MYO1E: variants seen among roughly 807,000 people sequenced by gnomAD.
The protein encoded by MYO1E is myosin IE, also known as unconventional myosin-Ie.
MYO1E carries 68 observed loss-of-function variants against 151.1 expected under a neutral mutation model. The observed-to-expected ratio is 0.45, with a 90% confidence interval of 0.37 to 0.55. The LOEUF is 0.55. Among genes scored for constraint, MYO1E ranks in the 20% least tolerant of loss-of-function variants. The probability of loss-of-function intolerance (pLI) is 0.00; values close to 1 mark genes in which losing one functional copy is unlikely to be tolerated. For missense variants in MYO1E, 1,363 were observed against 1,389.3 expected (o/e 0.98, Z 0.30); for synonymous variants, 601 against 501.7 (o/e 1.20, Z -2.64).
intron 10 of MYO1E, 30 bp from the exon 11 acceptor site, chr15:59,214,750 C>T (rs1378776131): frequency 1.3e-6 from 2 of 1,556,916 alleles, no homozygotes; most frequent in East Asian, 2.2e-5. Context: ...TGGCAGTGAA[C>T]TCCTTTCCAT....
chr15:59,308,049 T>C (rs184950998), intron 1 of MYO1E, among the ~76,000 whole-genome samples: 1 of 148,208 alleles, frequency 6.7e-6, no homozygotes, highest in Non-Finnish European at 1.5e-5. Flanking sequence ...AAACCCTGTC[T>C]CTATTAAAAA....
chr15:59,135,495 T>C lies in MYO1E; in HGVS notation c.*1885A>G, dbSNP rs1254193961. The C allele has an allele frequency of 6.6e-6, 1 of 152,152 alleles. No homozygotes were observed. The highest frequency in any genetic ancestry group is 1.9e-4 in the East Asian group (1 of 5,194). The allele number at this position is 152,152 out of a possible 1,614,324, so 9.4% of individuals were successfully genotyped here. A position where few individuals can be genotyped will look rare whatever the true frequency, so the allele number is the denominator to read the frequency against. ...TGCGGGGAGTCCATGAATGTGAAAG[T>C]ACTTTAGAGACCACTAGTGTCAACA... is the stretch of plus-strand genomic sequence containing the variant. On this transcript the variant is annotated 3_prime_UTR_variant, in exon 28 of 28. Transcript: ENST00000288235.
chr15:59,358,264 G>C (rs1369616234), intron 1 of MYO1E, among the ~76,000 whole-genome samples: 1 of 151,990 alleles, frequency 6.6e-6, no homozygotes, highest in East Asian at 1.9e-4. Flanking sequence ...GGAGGATGAG[G>C]AGGAAGAGGA....
intron 1 of MYO1E, among the ~76,000 whole-genome samples, chr15:59,332,296 T>C (rs1231064668): frequency 2.0e-5 from 3 of 152,248 alleles, no homozygotes; most frequent in African/African-American, 4.8e-5. Context: ...AAGTGTGTGA[T>C]AGGATTTACT....
rs529417260 is a variant in MYO1E at position 59,328,340 on chromosome 15, C to T, written c.3+44158G>A. ...TCTGCAGGAGGAAAGAGAACTTGATCCATTGCCAGGCTCAAACCTTCAAGA... is the reference window on the plus strand; with the variant it reads ...TCTGCAGGAGGAAAGAGAACTTGATTCATTGCCAGGCTCAAACCTTCAAGA... On this transcript the variant is annotated intron_variant, in intron 1 of 27. Transcript: ENST00000288235. Among the ~76,000 whole-genome samples, 6 of 152,210 alleles carry T rather than the reference C, an allele frequency of 3.9e-5. No homozygotes were observed. In the East Asian group the frequency reaches 1.2e-3, roughly 29 times the overall value.
At chr15:59,365,578 C>T (rs969131316) in intron 1 of MYO1E, among the ~76,000 whole-genome samples, 20 of 152,198 alleles carry the variant, frequency 1.3e-4, no homozygotes, top group African/African-American at 4.8e-4. Flanking sequence ...AATTTAACCT[C>T]TCTAGATCTC....
At chr15:59,215,884 C>G (rs1044388951) in intron 10 of MYO1E, among the ~76,000 whole-genome samples, 2 of 152,238 alleles carry the variant, frequency 1.3e-5, no homozygotes, top group East Asian at 3.9e-4. Flanking sequence ...TGCACCACCC[C>G]CTTGCTGACC....
At chr15:59,317,969 T>G (rs1298475541) in intron 1 of MYO1E, among the ~76,000 whole-genome samples, 1 of 152,182 alleles carries the variant, frequency 6.6e-6, no homozygotes, top group African/African-American at 2.4e-5. Flanking sequence ...AGGTAGCTAG[T>G]AAGTCATAGA....
intron 1 of MYO1E, among the ~76,000 whole-genome samples, chr15:59,361,545 A>C (rs2080885434): frequency 2.0e-5 from 3 of 152,196 alleles, no homozygotes; most frequent in Admixed American, 2.0e-4. Context: ...TTGGAATGCT[A>C]CTGTATGGGC....
At position 59,136,872 on chromosome 15, in the gene MYO1E, G is replaced by C. The variant is rs537749434; in HGVS notation, c.*508C>G. Reference sequence around the variant, plus strand: ...GCCAGCTTACCCTTGGCACGTACATGGGAAGTGCCTGCTCACGCTAAGCCC... The same window carrying C: ...GCCAGCTTACCCTTGGCACGTACATCGGAAGTGCCTGCTCACGCTAAGCCC... On this transcript the variant is annotated 3_prime_UTR_variant, in exon 28 of 28. Coordinates refer to ENST00000288235, the MANE Select transcript of MYO1E (RefSeq NM_004998.4). 9.5e-6 allele frequency: 4 copies of C among 422,540 alleles called. No homozygotes were observed. The highest frequency in any genetic ancestry group is 8.2e-5 in the African/African-American group (4 of 48,938). 26.2% of individuals were successfully genotyped at this position (422,540 alleles called of 1,614,324 possible).
intron 16 of MYO1E, among the ~76,000 whole-genome samples, chr15:59,201,964 C>G (rs2079805043): frequency 6.6e-6 from 1 of 152,164 alleles, no homozygotes; most frequent in South Asian, 2.1e-4. Context: ...GTTTTTGGGC[C>G]TGGCCTGGTA....
At chr15:59,297,866 G>A (rs1244721801) in intron 1 of MYO1E, among the ~76,000 whole-genome samples, 2 of 152,140 alleles carry the variant, frequency 1.3e-5, no homozygotes, top group African/African-American at 4.8e-5. Context: ...ACAGGCATGA[G>A]TTTTCCTTTG....
rs1181246306 is a variant in MYO1E, at chr15:59,216,710, A to G, written c.1107+1181T>C. Among the ~76,000 whole-genome samples, 9 of 130,168 alleles carry G rather than the reference A, an allele frequency of 6.9e-5. No homozygotes were observed. The East Asian group carries it at 1.1e-3, about 16-fold the overall frequency. 85.4% of individuals were successfully genotyped at this position (130,168 alleles called of 152,430 possible). A position where few individuals can be genotyped will look rare whatever the true frequency, so the allele number is the denominator to read the frequency against. On this transcript the variant is annotated intron_variant, in intron 10 of 27. Coordinates refer to ENST00000288235, the MANE Select transcript of MYO1E (RefSeq NM_004998.4). The stretch of plus-strand genomic sequence containing the variant: ...TACACATACACACACACACACACAC[A>G]CACACACACACACATAATTATGCCA...
At chr15:59,261,728 A>C (rs2080225410) in intron 2 of MYO1E, among the ~76,000 whole-genome samples, 1 of 152,206 alleles carries the variant, frequency 6.6e-6, no homozygotes, top group Non-Finnish European at 1.5e-5. Context: ...GGTGCTACAA[A>C]ATGAAATCAT....
At chr15:59,285,704 T>C (rs1221044915) in intron 1 of MYO1E, among the ~76,000 whole-genome samples, 1 of 152,072 alleles carries the variant, frequency 6.6e-6, no homozygotes, top group Admixed American at 6.6e-5. Context: ...CTGAAATGAA[T>C]TTTAAAAATA....
Position 59,241,454 on chromosome 15 carries a change from G to A in MYO1E, c.333-4782C>T, listed in dbSNP as rs939461535. On this transcript the variant is annotated intron_variant, in intron 4 of 27. Transcript: ENST00000288235. ...CGCCTATAATCCCAGCACTTTGGGA[G>A]GCCAAGGCGGGTGGATCACCTTAAG... Among the ~76,000 whole-genome samples, 8 of 152,366 alleles carry A rather than the reference G, an allele frequency of 5.3e-5. No homozygotes were observed. In the East Asian group the frequency reaches 5.8e-4, roughly 11 times the overall value.
rs1463450829 is a variant in MYO1E at position 59,159,149 on chromosome 15, G to A, written c.2786-770C>T. Among the ~76,000 whole-genome samples the A allele has an allele frequency of 6.6e-6, 1 of 152,186 alleles. No homozygotes were observed. The highest frequency in any genetic ancestry group is 2.4e-5 in the African/African-American group (1 of 41,434). On this transcript the variant is annotated intron_variant, in intron 24 of 27. Coordinates refer to ENST00000288235, the MANE Select transcript of MYO1E (RefSeq NM_004998.4). The surrounding 1 kb of genome is among the most constrained non-coding windows in gnomAD (Gnocchi z 4.4). Reference sequence around the variant, plus strand: ...AGAGAAGGGTAGGAGGTGACAAGGTGCACAGTGCAAACACAGCAAAGGAGC... The same window carrying A: ...AGAGAAGGGTAGGAGGTGACAAGGTACACAGTGCAAACACAGCAAAGGAGC...
At chr15:59,154,003 G>T (rs185350608) in intron 25 of MYO1E, among the ~76,000 whole-genome samples, 1 of 152,132 alleles carries the variant, frequency 6.6e-6, no homozygotes, top group Non-Finnish European at 1.5e-5. Context: ...CTTTACTGAG[G>T]TATAACTGAC....
At chr15:59,298,191 C>A (rs902442451) in intron 1 of MYO1E, among the ~76,000 whole-genome samples, 3 of 152,138 alleles carry the variant, frequency 2.0e-5, no homozygotes, top group African/African-American at 7.2e-5. Flanking sequence ...CCTCATCAAA[C>A]CTTAAGAACT....
Sources: gnomAD v4.1 joint callset for allele counts (sites outside exome capture counted in the v4.1 genomes callset) on GRCh38, gnomAD v4.1.1 for gene constraint, Gnocchi (gnomAD v3.1) non-coding constraint, MANE v1.5 for transcripts, NCBI Gene and HGNC (gene_info 2026-07-23, HGNC 2026-07-21) for gene names.